RNFT2: variants seen among roughly 807,000 people sequenced by gnomAD.
The protein encoded by RNFT2 is E3 ubiquitin-protein ligase RNFT2.
RNFT2 carries 36 observed loss-of-function variants against 53.0 expected under a neutral mutation model. The observed-to-expected ratio is 0.68, with a 90% CI of 0.52 to 0.90. The LOEUF is 0.90. Among genes scored for constraint, RNFT2 ranks in the 40% least tolerant of loss-of-function variants. The pLI is 0.00. For synonymous variants in RNFT2, 260 were observed against 253.2 expected, an observed-to-expected ratio of 1.03 and a Z score of -0.26; for missense variants, 514 against 585.6, an observed-to-expected ratio of 0.88 and a Z score of 1.26.
At chr12:116,795,410 GAAAA>G (rs201494908) in intron 7 of RNFT2, among the ~76,000 whole-genome samples, 1 of 123,176 alleles carries the variant, frequency 8.1e-6, no homozygotes. Flanking sequence ...TCCATCTCCA[GAAAA>G]AAAAAAAAAG....
intron 6 of RNFT2, among the ~76,000 whole-genome samples, chr12:116,778,701 A>AT (rs1161196002): frequency 6.6e-6 from 1 of 152,202 alleles, no homozygotes; most frequent in Non-Finnish European, 1.5e-5. Flanking sequence ...AATACAAAAA[A>AT]TTAGCCAGCT....
At chr12:116,758,526 G>C (rs1592941747) in intron 5 of RNFT2, among the ~76,000 whole-genome samples, 1 of 152,180 alleles carries the variant, frequency 6.6e-6, no homozygotes, top group African/African-American at 2.4e-5. Context: ...AGTTCTTATA[G>C]TGGTGACTTG....
intron 3 of RNFT2, among the ~76,000 whole-genome samples, chr12:116,749,393 T>C (rs2137071096): frequency 6.7e-6 from 1 of 150,348 alleles, no homozygotes; most frequent in African/African-American, 2.4e-5. Context: ...TCCTCCCACC[T>C]CAGCCTCCTG....
At chr12:116,821,303 A>C (rs1328590645) in intron 7 of RNFT2, among the ~76,000 whole-genome samples, 6 of 138,632 alleles carry the variant, frequency 4.3e-5, no homozygotes, top group African/African-American at 1.1e-4. Context: ...TGTTTCTCCC[A>C]CCCCTCCTGG....
chr12:116,832,635 G>C (rs1265052532), intron 7 of RNFT2, among the ~76,000 whole-genome samples: 1 of 152,168 alleles, frequency 6.6e-6, no homozygotes, highest in East Asian at 1.9e-4. Context: ...ACACTACAGA[G>C]TGGGTGTATT....
chr12:116,750,065 A>G lies in RNFT2; in HGVS notation c.308A>G (p.Glu103Gly), dbSNP rs1305900658. 1 of 1,545,130 alleles carries G rather than the reference A, an allele frequency of 6.5e-7. No individual in the cohort carries two copies. ...ASREEGGGRG[E>G]GGAYHHRQPH... ...AGGGAGGAAGGAGGGGGCCGGGGCGAGGGGGGCGCCTACCACCACCGCCAG... is the reference window on the plus strand; with the variant it reads ...AGGGAGGAAGGAGGGGGCCGGGGCGGGGGGGGCGCCTACCACCACCGCCAG... Residue 103 changes from glutamate (E) to glycine (G), a missense_variant, in exon 4 of 11, where the codon GAG becomes GGG. Physicochemically the swap from Glu to Gly is moderately conservative, Grantham distance 98. Transcript: ENST00000257575.
At chr12:116,832,148 A>AATATATATATATAT (rs1555209703) in intron 7 of RNFT2, among the ~76,000 whole-genome samples, 21 of 55,158 alleles carry the variant, frequency 3.8e-4, no homozygotes, top group African/African-American at 1.4e-3. Context: ...AAAAAAAAAA[A>AATATATATATATAT]ATATATATAT....
intron 7 of RNFT2, among the ~76,000 whole-genome samples, chr12:116,804,570 C>T (rs1218475888): frequency 6.6e-6 from 1 of 152,194 alleles, no homozygotes; most frequent in Non-Finnish European, 1.5e-5. Flanking sequence ...TAATGATCAT[C>T]TCACTACATA....
chr12:116,750,776 AT>A (rs1380200136), intron 4 of RNFT2, among the ~76,000 whole-genome samples: 1 of 135,488 alleles, frequency 7.4e-6, no homozygotes, highest in African/African-American at 2.8e-5. Context: ...AAAACACATT[AT>A]TTTTACTATA....
intron 7 of RNFT2, among the ~76,000 whole-genome samples, chr12:116,799,931 CA>C (rs771657446): frequency 2.6e-5 from 4 of 152,174 alleles, no homozygotes; most frequent in African/African-American, 9.7e-5. Context: ...GTTTGGGTCA[CA>C]GGGGTGAATC....
chr12:116,818,210 C>G (rs556956927), intron 7 of RNFT2, among the ~76,000 whole-genome samples: 15 of 152,048 alleles, frequency 9.9e-5, no homozygotes, highest in Admixed American at 2.6e-4. Context: ...GTGGTCCCAG[C>G]TACTCGTGGG....
At chr12:116,747,863 T>G (rs902433935) in intron 3 of RNFT2, among the ~76,000 whole-genome samples, 1 of 152,072 alleles carries the variant, frequency 6.6e-6, no homozygotes, top group African/African-American at 2.4e-5. Flanking sequence ...TGGTGTGGAC[T>G]GAGTTTGCAA....
intron 8 of RNFT2, among the ~76,000 whole-genome samples, chr12:116,835,515 T>C (rs1350377172): frequency 2.0e-5 from 3 of 152,234 alleles, no homozygotes; most frequent in African/African-American, 7.2e-5. Flanking sequence ...TGAGTTCTTC[T>C]CTTTCCTTCC....
In RNFT2 at chr12:116,769,782, A is replaced by G. The variant is rs189740878; in HGVS notation, c.728+2868A>G. Among the ~76,000 whole-genome samples the G allele has an allele frequency of 1.1e-4, 17 of 152,338 alleles. No individual in the cohort carries two copies. In the East Asian group the frequency reaches 3.3e-3, roughly 29 times the overall value. ...CATGGTGGCTCATGCCTGTAATCCC[A>G]GCACTTTGGGAGGCCAAGGTGGGTG... On this transcript the variant is annotated intron_variant, in intron 6 of 10. Transcript: ENST00000257575.
At position 116,852,118 on chromosome 12, in the gene RNFT2, G is replaced by A. The variant is rs1877957607; in HGVS notation, c.*2670G>A. 2 of 992,548 alleles carry A rather than the reference G, an allele frequency of 2.0e-6. No individual in the cohort carries two copies. The allele number at this position is 992,548 out of a possible 1,614,324, so 61.5% of individuals were successfully genotyped here. On this transcript the variant is annotated 3_prime_UTR_variant, in exon 11 of 11. Transcript: ENST00000257575. ...ATGAGATGGCACAGGTGACCACGCA[G>A]AAGCCACCAGAATCTTGCCTGCCCT...
chr12:116,765,836 C>T (rs1364624522), intron 5 of RNFT2, among the ~76,000 whole-genome samples: 2 of 152,126 alleles, frequency 1.3e-5, no homozygotes, highest in Admixed American at 1.3e-4. Flanking sequence ...AATGGTCAGT[C>T]CAGGGCAGCG....
At chr12:116,836,731 C>A (rs1382169664) in intron 10 of RNFT2, among the ~76,000 whole-genome samples, 2 of 151,966 alleles carry the variant, frequency 1.3e-5, no homozygotes, top group Non-Finnish European at 2.9e-5. Flanking sequence ...TCGAGACCAG[C>A]TGGGCCAACA....
intron 7 of RNFT2, among the ~76,000 whole-genome samples, chr12:116,791,778 G>A (rs1214517579): frequency 6.6e-6 from 1 of 152,158 alleles, no homozygotes; most frequent in Non-Finnish European, 1.5e-5. Context: ...AATTTTTGTG[G>A]TAAATACATA....
intron 7 of RNFT2, among the ~76,000 whole-genome samples, chr12:116,791,813 T>C (rs1206746688): frequency 6.6e-6 from 1 of 152,216 alleles, no homozygotes; most frequent in East Asian, 1.9e-4. Context: ...GATCATGCTG[T>C]AATCCTATGT....
Sources: allele counts gnomAD v4.1 joint callset (sites outside exome capture counted in the v4.1 genomes callset), GRCh38; gene constraint gnomAD v4.1.1; transcripts MANE v1.5; gene names NCBI Gene and HGNC (gene_info 2026-07-23, HGNC 2026-07-21).